The following VPS13A variants were observed in gnomAD, a reference collection of about 807,000 sequenced individuals.
VPS13A encodes the protein vacuolar protein sorting 13 homolog A.
Under a neutral mutation model 390.9 loss-of-function variants are expected in VPS13A, and 264 were observed. The ratio of observed to expected loss-of-function variants is 0.68; its 90% confidence interval spans 0.61 to 0.75. The LOEUF is 0.75. VPS13A is among the 30% of genes least tolerant of loss of function. VPS13A has a pLI of 0.00. For synonymous variants in VPS13A, 1,231 were observed against 1,227.1 expected, an observed-to-expected ratio of 1.00 and a Z score of -0.07; for missense variants, 3,409 against 3,733.9, an observed-to-expected ratio of 0.91 and a Z score of 2.27.
chr9:77,312,658 G>A (rs963170185), intron 35 of VPS13A, among the ~76,000 whole-genome samples: 46 of 152,016 alleles, frequency 3.0e-4, no homozygotes, highest in Admixed American at 2.6e-3. Context: ...CTCGTGATCC[G>A]CCTGCCTTGG....
At chr9:77,186,342 T>G (rs1824333292) in intron 1 of VPS13A, among the ~76,000 whole-genome samples, 1 of 152,242 alleles carries the variant, frequency 6.6e-6, no homozygotes, top group South Asian at 2.1e-4. Context: ...AGAAAAGACT[T>G]AATTTACCTT....
intron 68 of VPS13A, chr9:77,389,945 T>G (rs1397039356): frequency 1.8e-5 from 6 of 332,390 alleles, no homozygotes; most frequent in Non-Finnish European, 2.6e-5. Context: ...ATTTCTTTTC[T>G]TTCAGAAATT....
intron 67 of VPS13A, among the ~76,000 whole-genome samples, chr9:77,380,612 A>G (rs1833376806): frequency 6.6e-6 from 1 of 152,106 alleles, no homozygotes; most frequent in South Asian, 2.1e-4. Context: ...ACCCGGCCCT[A>G]TTCTGTTTTC....
At chr9:77,261,696 C>T (rs940465335) in intron 23 of VPS13A, among the ~76,000 whole-genome samples, 1 of 151,972 alleles carries the variant, frequency 6.6e-6, no homozygotes, top group African/African-American at 2.4e-5. Flanking sequence ...GCGGTTGTCC[C>T]ATCTCAGCCT....
At chr9:77,309,070 A>C (rs1334758036) in intron 35 of VPS13A, among the ~76,000 whole-genome samples, 1 of 152,196 alleles carries the variant, frequency 6.6e-6, no homozygotes, top group Non-Finnish European at 1.5e-5. Flanking sequence ...ACAGAAAAGG[A>C]AGTAGACAAA....
chr9:77,250,504 T>C (rs1825093777), intron 21 of VPS13A, among the ~76,000 whole-genome samples: 1 of 152,148 alleles, frequency 6.6e-6, no homozygotes, highest in South Asian at 2.1e-4. Flanking sequence ...CTACTAAGCA[T>C]CCTACGATGT....
chr9:77,386,189 T>A (rs4745628), intron 68 of VPS13A, among the ~76,000 whole-genome samples: 26,144 of 152,202 alleles, frequency 0.17, 2,832 homozygotes, highest in East Asian at 0.32. Context: ...TTGTATTTGT[T>A]GTGCACCCAC....
chr9:77,269,495 G>A (rs986027219), intron 23 of VPS13A, among the ~76,000 whole-genome samples: 1 of 152,044 alleles, frequency 6.6e-6, no homozygotes, highest in Non-Finnish European at 1.5e-5. Context: ...CCAACTTTTT[G>A]TATTTCCAAA....
chr9:77,302,773 GTC>G, intron 33 of VPS13A, 140 bp from the exon 34 acceptor site: 1 of 864,290 alleles, frequency 1.2e-6, no homozygotes, highest in Non-Finnish European at 1.7e-6. Context: ...TAAAAAAAAA[GTC>G]TGATAGATAT....
Position 77,360,691 on chromosome 9 carries a change from T to A in VPS13A, c.8211+50T>A, listed in dbSNP as rs772779132. 108 of 1,365,786 alleles carry A rather than the reference T, an allele frequency of 7.9e-5. 1 individual carries two copies. In the South Asian group the frequency reaches 1.3e-3, roughly 16 times the overall value. The allele number at this position is 1,365,786 out of a possible 1,614,324, so 84.6% of individuals were successfully genotyped here. ...GATGGAAAGGATTAGGGAAAAGATA[T>A]TATTATAAATTTTTAAAGGTATTAA... On this transcript the variant is annotated intron_variant, in intron 59 of 71. Transcript: ENST00000360280.
At chr9:77,275,790 T>A in intron 25 of VPS13A, 138 bp downstream of exon 25, 2 of 1,078,280 alleles carry the variant, frequency 1.9e-6, no homozygotes, top group Non-Finnish European at 2.7e-6. Flanking sequence ...TGTGTGATTC[T>A]TGGTCACTCC....
At chr9:77,294,777 T>C (rs1473103580) in intron 32 of VPS13A, among the ~76,000 whole-genome samples, 4 of 152,192 alleles carry the variant, frequency 2.6e-5, no homozygotes, top group Non-Finnish European at 5.9e-5. Flanking sequence ...TGCTCCTAGC[T>C]CACTGCAGCC....
chr9:77,371,300 A>C, intron 67 of VPS13A, 151 bp downstream of exon 67: 1 of 1,208,608 alleles, frequency 8.3e-7, no homozygotes, highest in Non-Finnish European at 1.2e-6. Context: ...GTAATTTATA[A>C]TGAACAGAAA....
At chr9:77,401,111 A>T (rs957276785) in intron 68 of VPS13A, among the ~76,000 whole-genome samples, 2 of 152,122 alleles carry the variant, frequency 1.3e-5, no homozygotes, top group Non-Finnish European at 2.9e-5. Context: ...CTTTCCTTTG[A>T]TATGTCTGCA....
At chr9:77,228,644 A>G (rs1159320874) in intron 17 of VPS13A, among the ~76,000 whole-genome samples, 1 of 152,136 alleles carries the variant, frequency 6.6e-6, no homozygotes, top group African/African-American at 2.4e-5. Flanking sequence ...CAACTATATT[A>G]TATAGTAATT....
At position 77,321,659 on chromosome 9, in the gene VPS13A, T is replaced by G; in HGVS notation, c.5743T>G (p.Leu1915Val). 6.2e-7 allele frequency: 1 copy of G among 1,613,314 alleles called. No individual in the cohort carries two copies. The highest frequency in any genetic ancestry group is 8.5e-7 in the Non-Finnish European group (1 of 1,179,532). ...ATATGTATTGAAAAATGGAGAAAGT[T>G]TAAGTATGGATTATATCCGAACCAA... ...KSYVLKNGES[L>V]SMDYIRTKDN... is the part of the protein sequence containing the mutation. Residue 1915 changes from leucine (L) to valine (V), a missense_variant, in exon 44 of 72, where the codon TTA (leucine) becomes GTA (valine). By Grantham distance (32) the Leu-to-Val change is conservative. This residue lies in a region of VPS13A where 2,717 missense variants were observed against 2,917.4 expected (regional missense o/e 0.93). Coordinates refer to ENST00000360280, the MANE Select transcript of VPS13A (RefSeq NM_033305.3).
Position 77,417,513 on chromosome 9 carries a change from A to T in VPS13A, c.*1507A>T, listed in dbSNP as rs1323757718. On this transcript the variant is annotated 3_prime_UTR_variant, in exon 72 of 72. Coordinates refer to ENST00000360280, the MANE Select transcript of VPS13A (RefSeq NM_033305.3). ...AATCAAACCACAAGTTTAAAATCACATGAAAGTGTGTTTCCATGTTGACCT... is the reference window on the plus strand; with the variant it reads ...AATCAAACCACAAGTTTAAAATCACTTGAAAGTGTGTTTCCATGTTGACCT... 6.6e-6 allele frequency: 1 copy of T among 151,982 alleles called. No homozygotes were observed. The highest frequency in any genetic ancestry group is 1.5e-5 in the Non-Finnish European group (1 of 68,006). 9.4% of individuals were successfully genotyped at this position (151,982 alleles called of 1,614,324 possible).
chr9:77,213,812 A>G (rs1826107283), intron 9 of VPS13A, among the ~76,000 whole-genome samples: 2 of 152,064 alleles, frequency 1.3e-5, no homozygotes, highest in Non-Finnish European at 2.9e-5. Context: ...TGATACCTGC[A>G]AATCTAAATA....
chr9:77,275,675 C>T (rs202120188), intron 25 of VPS13A, 23 bp downstream of exon 25: 18 of 1,605,568 alleles, frequency 1.1e-5, no homozygotes, highest in Non-Finnish European at 1.5e-5. Flanking sequence ...GTAAAATTAA[C>T]ATGGCTTAAT....
Sources: allele counts gnomAD v4.1 joint callset (sites outside exome capture counted in the v4.1 genomes callset), GRCh38; gene constraint gnomAD v4.1.1; regional missense constraint gnomAD v4.1.1; transcripts MANE v1.5; gene names NCBI Gene and HGNC (gene_info 2026-07-23, HGNC 2026-07-21).